The following ZC3H4 variants were observed in gnomAD, a reference collection of about 807,000 sequenced individuals.
The protein encoded by ZC3H4 is zinc finger CCCH domain-containing protein 4.
In ZC3H4, 13 loss-of-function variants were observed where a neutral mutation model predicts 108.3. That is an observed-to-expected ratio of 0.12 (90% CI 0.08 to 0.19). ZC3H4 has a LOEUF of 0.19. ZC3H4 is among the 10% of genes least tolerant of loss of function. The probability of loss-of-function intolerance (pLI) is 1.00; values close to 1 mark genes in which losing one functional copy is unlikely to be tolerated. For missense variants in ZC3H4, 1,734 were observed against 1,838.8 expected (o/e 0.94, Z 1.04); for synonymous variants, 917 against 749.6 (o/e 1.22, Z -3.65).
intron 2 of ZC3H4, among the ~76,000 whole-genome samples, chr19:47,097,593 C>A (rs1028270137): frequency 2.6e-5 from 4 of 152,206 alleles, no homozygotes; most frequent in Admixed American, 2.6e-4. Flanking sequence ...AAATGGGAAT[C>A]CCGTGGGCCA....
chr19:47,100,555 T>C (rs1044534369), intron 2 of ZC3H4, among the ~76,000 whole-genome samples: 1 of 151,894 alleles, frequency 6.6e-6, no homozygotes, highest in African/African-American at 2.4e-5. Context: ...GTCTACCCAC[T>C]GCTGGCATCT....
At chr19:47,100,173 A>G (rs1163551321) in intron 2 of ZC3H4, among the ~76,000 whole-genome samples, 1 of 152,204 alleles carries the variant, frequency 6.6e-6, no homozygotes, top group Non-Finnish European at 1.5e-5. Flanking sequence ...AATTCAGCTC[A>G]GGGCTCATGC....
At chr19:47,068,880 T>C (rs1447367142) in intron 14 of ZC3H4, among the ~76,000 whole-genome samples, 1 of 152,112 alleles carries the variant, frequency 6.6e-6, no homozygotes, top group Non-Finnish European at 1.5e-5. Flanking sequence ...GATCAGGGTC[T>C]CTCCTGAACC....
rs1175245264 is a variant in ZC3H4, at chr19:47,112,513, T to TGGCGGCGGCGGCGATGGC, written c.54_71dup (p.Pro19_Pro24dup). The TGGCGGCGGCGGCGATGGC allele has an allele frequency of 1.6e-5, 17 of 1,090,304 alleles. 1 individual carries two copies. The highest frequency in any genetic ancestry group is 2.0e-5 in the Non-Finnish European group (17 of 852,172). The allele number at this position is 1,090,304 out of a possible 1,614,324, so 67.5% of individuals were successfully genotyped here. A position where few individuals can be genotyped will look rare whatever the true frequency, so the allele number is the denominator to read the frequency against. Reference sequence around the variant, plus strand: ...AACACGGAGGAGGCGAAGGCGTTGATGGCGGCGGCGGCGATGGCGGCGGCG... The same window carrying TGGCGGCGGCGGCGATGGC: ...AACACGGAGGAGGCGAAGGCGTTGATGGCGGCGGCGGCGATGGCGGCGGCGGCGGCGATGGCGGCGGCG... On this transcript the variant is annotated inframe_insertion, in exon 2 of 15. Coordinates refer to ENST00000253048, the MANE Select transcript of ZC3H4 (RefSeq NM_015168.2).
intron 5 of ZC3H4, among the ~76,000 whole-genome samples, chr19:47,088,661 A>G (rs1474008483): frequency 1.3e-5 from 2 of 152,192 alleles, no homozygotes; most frequent in East Asian, 1.9e-4. Flanking sequence ...CTGTCTCCCA[A>G]TAAACAAAAA....
At position 47,067,135 on chromosome 19, in the gene ZC3H4, G is replaced by A. The variant is rs2057224229; in HGVS notation, c.3133C>T (p.Leu1045Phe). The A allele has an allele frequency of 1.2e-6, 2 of 1,611,974 alleles. No individual in the cohort carries two copies. The highest frequency in any genetic ancestry group is 1.7e-6 in the Non-Finnish European group (2 of 1,178,956). Residue 1045 changes from leucine (L) to phenylalanine (F), a missense_variant, in exon 15 of 15, where the codon CTT (leucine) becomes TTT (phenylalanine). Physicochemically the swap from Leu to Phe is conservative, Grantham distance 22. This residue lies in a region of ZC3H4 where 518 missense variants were observed against 499.6 expected (regional missense o/e 1.04). Coordinates refer to ENST00000253048, the MANE Select transcript of ZC3H4 (RefSeq NM_015168.2). This position sits in a 1 kb window ranked among gnomAD's most constrained non-coding sequence, Gnocchi z 6.4. ...TQGANLPDFE[L>F]LSRILKTVNA... ...ACTGTCTTGAGGATGCGAGACAGAA[G>A]TTCAAAGTCGGGGAGGTTGGCGCCC...
intron 11 of ZC3H4, among the ~76,000 whole-genome samples, chr19:47,079,543 C>A (rs1345154450): frequency 6.6e-6 from 1 of 151,378 alleles, no homozygotes; most frequent in African/African-American, 2.5e-5. Flanking sequence ...AGCCGTGAGG[C>A]CTGACTGGCC....
intron 5 of ZC3H4, among the ~76,000 whole-genome samples, chr19:47,089,130 C>T (rs1600071174): frequency 1.4e-5 from 2 of 146,254 alleles, no homozygotes; most frequent in Admixed American, 7.1e-5. Flanking sequence ...TGCTTGAACC[C>T]GGAAAGCAGA....
At chr19:47,098,305 C>A (rs1262385349) in intron 2 of ZC3H4, among the ~76,000 whole-genome samples, 1 of 152,082 alleles carries the variant, frequency 6.6e-6, no homozygotes, top group Non-Finnish European at 1.5e-5. Context: ...GCCTGGCCAA[C>A]ACGGCAAAAC....
intron 2 of ZC3H4, among the ~76,000 whole-genome samples, chr19:47,107,248 G>T (rs995022243): frequency 6.6e-6 from 1 of 152,188 alleles, no homozygotes; most frequent in African/African-American, 2.4e-5. Context: ...TCTTACTTCT[G>T]TTTATACACC....
At chr19:47,089,851 T>C in intron 5 of ZC3H4, 116 bp downstream of exon 5, 1 of 1,054,342 alleles carries the variant, frequency 9.5e-7, no homozygotes, top group Non-Finnish European at 1.4e-6. Context: ...GGCCCTTCTT[T>C]GTACACTTAT....
At chr19:47,088,172 C>CAAAT (rs563475093) in intron 5 of ZC3H4, among the ~76,000 whole-genome samples, 15 of 151,860 alleles carry the variant, frequency 9.9e-5, no homozygotes, top group African/African-American at 2.7e-4. Context: ...GACTCCATCT[C>CAAAT]AAATAAATAA....
intron 2 of ZC3H4, among the ~76,000 whole-genome samples, chr19:47,105,664 C>T (rs1391263541): frequency 3.3e-5 from 5 of 152,180 alleles, no homozygotes; most frequent in Admixed American, 2.6e-4. Flanking sequence ...CTGGCTTTGG[C>T]CCGAGAATCA....
rs772682245 is a variant in ZC3H4 at position 47,067,749 on chromosome 19, C to A, written c.2519G>T (p.Ser840Ile). The change falls in exon 15 of 15, where the codon AGC (serine) becomes ATC (isoleucine). Residue 840 changes from serine to isoleucine, a missense_variant. Ser to Ile is a moderately radical substitution (Grantham distance 142). This residue lies in a region of ZC3H4 where 540 missense variants were observed against 484.1 expected (regional missense o/e 1.12). Transcript: ENST00000253048. This position sits in a 1 kb window ranked among gnomAD's most constrained non-coding sequence, Gnocchi z 6.4. The stretch of plus-strand genomic sequence containing the variant: ...GCGGGGGTCCCCCAGCCCACTGCTG[C>A]TCAGCTCCCCAACTGAAGCCGGGGG... ...SRPPASVGEL[S>I]SSGLGDPRLQ... The A allele has an allele frequency of 6.2e-7, 1 of 1,609,026 alleles. No individual in the cohort carries two copies.
Position 47,072,512 on chromosome 19 carries a change from G to A in ZC3H4, c.1642C>T (p.Pro548Ser). Residue 548 changes from proline to serine, a missense_variant, in exon 12 of 15, where the codon CCT becomes TCT. Pro to Ser is a moderately conservative substitution (Grantham distance 74). Coordinates refer to ENST00000253048, the MANE Select transcript of ZC3H4 (RefSeq NM_015168.2). The surrounding 1 kb of genome is among the most constrained non-coding windows in gnomAD (Gnocchi z 5.6). ...TGAGGGGGCCCGGGCGGTGGGGGAGGGGGAGGGGGCGGGGGCGGGGGGCCA... is the reference window on the plus strand; with the variant it reads ...TGAGGGGGCCCGGGCGGTGGGGGAGAGGGAGGGGGCGGGGGCGGGGGGCCA... ...QGGPPPPPPP[P>S]PPPPGPPQMP... 1 of 1,374,884 alleles carries A rather than the reference G, an allele frequency of 7.3e-7. No homozygotes were observed. The highest frequency in any genetic ancestry group is 9.9e-7 in the Non-Finnish European group (1 of 1,012,530). 85.2% of individuals were successfully genotyped at this position (1,374,884 alleles called of 1,614,324 possible).
rs189894007 is a variant in ZC3H4 at position 47,104,139 on chromosome 19, T to C, written c.161+8285A>G. On this transcript the variant is annotated intron_variant, in intron 2 of 14. Transcript: ENST00000253048. Reference sequence around the variant, plus strand: ...TTCAAGACCAGCCTGGCCAACATGGTAAAACCCCATCTCTACTAAAAACAC... The same window carrying C: ...TTCAAGACCAGCCTGGCCAACATGGCAAAACCCCATCTCTACTAAAAACAC... Among the ~76,000 whole-genome samples, 670 of 151,784 alleles carry C rather than the reference T, an allele frequency of 4.4e-3. 6 individuals carry two copies. Among genetic ancestry groups the C allele is most frequent in the African/African-American group, 0.015 (622 of 41,384 alleles).
At chr19:47,091,400 G>C (rs963338973) in intron 4 of ZC3H4, among the ~76,000 whole-genome samples, 2 of 151,684 alleles carry the variant, frequency 1.3e-5, no homozygotes, top group African/African-American at 4.8e-5. Context: ...GTGAAACCCA[G>C]TCTCTACTAA....
chr19:47,092,782 A>C (rs934638377), intron 4 of ZC3H4, among the ~76,000 whole-genome samples: 3 of 151,894 alleles, frequency 2.0e-5, no homozygotes, highest in African/African-American at 7.3e-5. Flanking sequence ...GCCCCACTGC[A>C]CTCCAGCCTA....
Position 47,066,897 on chromosome 19 carries a change from C to T in ZC3H4, c.3371G>A (p.Arg1124His). Reference protein sequence around the residue: ...SPPATAPYDPRVLAAGGLGQG... With the variant: ...SPPATAPYDPHVLAAGGLGQG... Reference sequence around the variant, plus strand: ...GCCCAGTCCACCGGCCGCCAGCACGCGGGGGTCGTAGGGAGCGGTGGCTGG... The same window carrying T: ...GCCCAGTCCACCGGCCGCCAGCACGTGGGGGTCGTAGGGAGCGGTGGCTGG... Residue 1124 changes from arginine (R) to histidine (H), a missense_variant, in exon 15 of 15, where the codon CGC (arginine) becomes CAC (histidine). Coordinates refer to ENST00000253048, the MANE Select transcript of ZC3H4 (RefSeq NM_015168.2). 2 of 1,597,866 alleles carry T rather than the reference C, an allele frequency of 1.3e-6. No homozygotes were observed. Among genetic ancestry groups the T allele is most frequent in the East Asian group, 2.2e-5 (1 of 44,728 alleles).
Sources: allele counts gnomAD v4.1 joint callset (sites outside exome capture counted in the v4.1 genomes callset), GRCh38; gene constraint gnomAD v4.1.1; regional missense constraint gnomAD v4.1.1; non-coding constraint Gnocchi (gnomAD v3.1); transcripts MANE v1.5; gene names NCBI Gene and HGNC (gene_info 2026-07-23, HGNC 2026-07-21).